IFT122: variants seen among roughly 807,000 people sequenced by gnomAD.
IFT122 encodes intraflagellar transport protein 122 homolog.
A neutral mutation model predicts 161.6 loss-of-function variants in IFT122; 118 were observed. The observed-to-expected ratio is 0.73, with a 90% CI of 0.63 to 0.85. The LOEUF is 0.85. Among genes scored for constraint, IFT122 ranks in the 40% least tolerant of loss-of-function variants. IFT122 has a pLI of 0.00. For missense variants in IFT122, 1,381 were observed against 1,579.6 expected, an observed-to-expected ratio of 0.87 and a Z score of 2.13; for synonymous variants, 550 against 602.4, an observed-to-expected ratio of 0.91 and a Z score of 1.27.
chr3:129,466,195 T>G (rs565191638), intron 7 of IFT122, among the ~76,000 whole-genome samples: 5 of 152,298 alleles, frequency 3.3e-5, no homozygotes, highest in Admixed American at 1.3e-4. Flanking sequence ...AGGTCCTACT[T>G]GTTTACCAGC....
In IFT122 at chr3:129,464,797, T is replaced by C. The variant is rs1193946555; in HGVS notation, c.563+16T>C. The C allele has an allele frequency of 1.2e-6, 2 of 1,614,012 alleles. No individual in the cohort carries two copies. The highest frequency in any genetic ancestry group is 3.3e-5 in the Admixed American group (2 of 60,022). On this transcript the variant is annotated intron_variant, in intron 7 of 29. Transcript: ENST00000348417. The stretch of plus-strand genomic sequence containing the variant: ...ACCCTTCAAGGTACTCTTAAAGTTG[T>C]CCTCCTTCTAGAACAAACACCATCA...
chr3:129,516,582 G>C (rs1319818167), intron 26 of IFT122, among the ~76,000 whole-genome samples: 81 of 92,908 alleles, frequency 8.7e-4, no homozygotes, highest in African/African-American at 3.3e-3. Context: ...CACACACAGA[G>C]AGACTGCCCC....
Position 129,519,633 on chromosome 3 carries a change from G to GCTT in IFT122, c.3537_3538insCTT (p.Arg1179_Asp1180insLeu). 1 of 1,613,670 alleles carries GCTT rather than the reference G, an allele frequency of 6.2e-7. No homozygotes were observed. The highest frequency in any genetic ancestry group is 8.5e-7 in the Non-Finnish European group (1 of 1,180,020). On this transcript the variant is annotated inframe_insertion, in exon 29 of 30. Transcript: ENST00000348417. ...TGGTGCTGCGCTCCATGAGCCGCCGGGATGTCCTCATCAAGCGATGGCCCC... is the reference window on the plus strand; with the variant it reads ...TGGTGCTGCGCTCCATGAGCCGCCGGCTTGATGTCCTCATCAAGCGATGGCCCC...
chr3:129,498,836 G>T (rs2081201286), intron 18 of IFT122, among the ~76,000 whole-genome samples: 1 of 152,084 alleles, frequency 6.6e-6, no homozygotes, highest in African/African-American at 2.4e-5. Context: ...CATAGACCTG[G>T]GCTGTAAGTG....
rs770005620 is a variant in IFT122 at position 129,520,261 on chromosome 3, C to T, written c.3722C>T (p.Pro1241Leu). The T allele has an allele frequency of 6.2e-7, 1 of 1,607,984 alleles. No homozygotes were observed. Among genetic ancestry groups the T allele is most frequent in the Non-Finnish European group, 8.5e-7 (1 of 1,179,364 alleles). The change falls in exon 30 of 30, where the codon CCA becomes CTA. Residue 1241 changes from proline (P) to leucine (L), a missense_variant. By Grantham distance (98) the Pro-to-Leu change is moderately conservative. Transcript: ENST00000348417. ...CGCAGGTGCAAGGATGACCCTGGCC[C>T]ATGACCAGCATCCTGGGGACGGCCT... is the stretch of plus-strand genomic sequence containing the variant. The part of the protein sequence containing the change: ...YCRRCKDDPG[P>L]
At chr3:129,457,572 A>T (rs1484574640) in intron 3 of IFT122, among the ~76,000 whole-genome samples, 1 of 152,132 alleles carries the variant, frequency 6.6e-6, no homozygotes, top group Non-Finnish European at 1.5e-5. Context: ...GAAGGATCTC[A>T]TCCTTAGAGA....
At chr3:129,446,026 A>G (rs934884063) in intron 1 of IFT122, among the ~76,000 whole-genome samples, 5 of 152,084 alleles carry the variant, frequency 3.3e-5, no homozygotes, top group Non-Finnish European at 5.9e-5. Flanking sequence ...TCAGGCCATG[A>G]TGGGAAATGG....
chr3:129,496,776 T>C (rs943956653), intron 18 of IFT122, among the ~76,000 whole-genome samples: 24 of 152,192 alleles, frequency 1.6e-4, no homozygotes, highest in African/African-American at 5.6e-4. Flanking sequence ...CCTCGTCACC[T>C]TTCCTACCCT....
Position 129,476,789 on chromosome 3 carries a change from A to G in IFT122, c.1135A>G (p.Thr379Ala). The G allele has an allele frequency of 6.2e-7, 1 of 1,614,176 alleles. No individual in the cohort carries two copies. Residue 379 changes from threonine (T) to alanine (A), a missense_variant, in exon 11 of 30, where the codon ACT (threonine) becomes GCT (alanine). Physicochemically the swap from Thr to Ala is moderately conservative, Grantham distance 58 (BLOSUM62 0). Coordinates refer to ENST00000348417, the MANE Select transcript of IFT122 (RefSeq NM_052989.3). ...MTDVIVQHLI[T>A]EQKVRIKCKE... Reference sequence around the variant, plus strand: ...TGACGTCATTGTGCAGCACCTGATCACTGAGCAGAAAGGTAAGAGGCAGGT... The same window carrying G: ...TGACGTCATTGTGCAGCACCTGATCGCTGAGCAGAAAGGTAAGAGGCAGGT...
At chr3:129,496,803 A>C (rs199934614) in intron 18 of IFT122, among the ~76,000 whole-genome samples, 32 of 152,140 alleles carry the variant, frequency 2.1e-4, no homozygotes, top group South Asian at 6.2e-4. Context: ...GGCCCCACCA[A>C]AGACACCTAG....
chr3:129,490,022 A>T (rs2079865538), intron 16 of IFT122, among the ~76,000 whole-genome samples: 1 of 151,484 alleles, frequency 6.6e-6, no homozygotes, highest in Non-Finnish European at 1.5e-5. Context: ...AAATATATAT[A>T]TTTTTATATA....
At chr3:129,500,145 A>C in intron 19 of IFT122, 77 bp downstream of exon 19, 1 of 1,510,512 alleles carries the variant, frequency 6.6e-7, no homozygotes, top group Non-Finnish European at 9.2e-7. Context: ...CAAGGGAACC[A>C]ATAGTGCTTT....
In IFT122 at chr3:129,483,481, C is replaced by T; in HGVS notation, c.1654-4C>T. 4.3e-6 allele frequency: 7 copies of T among 1,613,832 alleles called. No homozygotes were observed. Among genetic ancestry groups the T allele is most frequent in the Non-Finnish European group, 5.9e-6 (7 of 1,179,932 alleles). ...ACAGGATCCCCACTGTCCCTGTTCC[C>T]CAGGAACCAAACGCCAACAGTGTAG... On this transcript the variant is annotated splice_region_variant and splice_polypyrimidine_tract_variant and intron_variant, in intron 14 of 29. Coordinates refer to ENST00000348417, the MANE Select transcript of IFT122 (RefSeq NM_052989.3).
Position 129,469,090 on chromosome 3 carries a change from C to T in IFT122, c.741-252C>T, listed in dbSNP as rs547066668. Reference sequence around the variant, plus strand: ...ATCTTCTTCAGCTGCAGCAGTGTCCCCAGCACCATAAGGTCATAGCAGGGG... The same window carrying T: ...ATCTTCTTCAGCTGCAGCAGTGTCCTCAGCACCATAAGGTCATAGCAGGGG... On this transcript the variant is annotated intron_variant, in intron 8 of 29. Coordinates refer to ENST00000348417, the MANE Select transcript of IFT122 (RefSeq NM_052989.3). Among the ~76,000 whole-genome samples the T allele has an allele frequency of 2.0e-5, 3 of 152,154 alleles. No individual in the cohort carries two copies. In the South Asian group the frequency reaches 6.2e-4, roughly 32 times the overall value.
rs2079520405 is a variant in IFT122, at chr3:129,488,007, G to C, written c.1852-250G>C. ...ATCCTATGGCGAGGCAGGCCTGTAGGTGGGAAGGAGGGGAGGATGGGCAGA... is the reference window on the plus strand; with the variant it reads ...ATCCTATGGCGAGGCAGGCCTGTAGCTGGGAAGGAGGGGAGGATGGGCAGA... On this transcript the variant is annotated intron_variant, in intron 15 of 29. Coordinates refer to ENST00000348417, the MANE Select transcript of IFT122 (RefSeq NM_052989.3). The C allele has an allele frequency of 5.2e-6, 3 of 576,150 alleles. No individual in the cohort carries two copies. In the Admixed American group the frequency reaches 8.4e-5, roughly 16 times the overall value. 35.7% of individuals were successfully genotyped at this position (576,150 alleles called of 1,614,324 possible).
At position 129,520,059 on chromosome 3, in the gene IFT122, G is replaced by A. The variant is rs2084562849; in HGVS notation, c.3637-117G>A. ...TCAAACAAAGGTGCTGCAGGTCTGT[G>A]TCCAGCCCTGACCACTGCCAAGCCC... is the stretch of plus-strand genomic sequence containing the variant. On this transcript the variant is annotated intron_variant, in intron 29 of 29. Transcript: ENST00000348417. 2.3e-5 allele frequency: 19 copies of A among 829,822 alleles called. 1 individual carries two copies. The South Asian group carries it at 2.4e-4, about 11-fold the overall frequency. The allele number at this position is 829,822 out of a possible 1,614,324, so 51.4% of individuals were successfully genotyped here. A position where few individuals can be genotyped will look rare whatever the true frequency, so the allele number is the denominator to read the frequency against.
intron 12 of IFT122, 80 bp from the exon 13 acceptor site, chr3:129,479,704 AG>A: frequency 6.5e-7 from 1 of 1,549,430 alleles, no homozygotes. Context: ...TTCTCCCCTT[AG>A]GGACAGAAAG....
Position 129,469,119 on chromosome 3 carries a change from C to G in IFT122, c.741-223C>G, listed in dbSNP as rs7611963. On this transcript the variant is annotated intron_variant, in intron 8 of 29. Coordinates refer to ENST00000348417, the MANE Select transcript of IFT122 (RefSeq NM_052989.3). Reference sequence around the variant, plus strand: ...CACCATAAGGTCATAGCAGGGGACTCAGTGAAACAGCAGATCCCAGGAAGG... The same window carrying G: ...CACCATAAGGTCATAGCAGGGGACTGAGTGAAACAGCAGATCCCAGGAAGG... 0.025 allele frequency among the ~76,000 whole-genome samples: 3,738 copies of G among 152,272 alleles called. 138 individuals are homozygous for G. The highest frequency in any genetic ancestry group is 0.082 in the African/African-American group (3,395 of 41,518).
chr3:129,491,593 A>G (rs2080092355), intron 16 of IFT122, among the ~76,000 whole-genome samples: 1 of 151,898 alleles, frequency 6.6e-6, no homozygotes, highest in Admixed American at 6.5e-5. Context: ...CTACCCCTCC[A>G]CCTTCTTCCA....
Sources: allele counts gnomAD v4.1 joint callset (sites outside exome capture counted in the v4.1 genomes callset), GRCh38; gene constraint gnomAD v4.1.1; transcripts MANE v1.5; gene names NCBI Gene and HGNC (gene_info 2026-07-23, HGNC 2026-07-21).